The following ADAMTS3 variants were observed in gnomAD, a reference collection of about 807,000 sequenced individuals.
The protein encoded by ADAMTS3 is ADAM metallopeptidase with thrombospondin type 1 motif 3.
ADAMTS3 carries 73 observed loss-of-function variants against 129.0 expected under a neutral mutation model. That is an observed-to-expected ratio of 0.57 (90% CI 0.47 to 0.69). ADAMTS3 has a LOEUF of 0.69. ADAMTS3 is among the 30% of genes least tolerant of loss of function. The pLI is 0.00. For synonymous variants in ADAMTS3, 477 were observed against 510.8 expected, an observed-to-expected ratio of 0.93 and a Z score of 0.89; for missense variants, 1,457 against 1,514.5, an observed-to-expected ratio of 0.96 and a Z score of 0.63.
At chr4:72,469,381 A>C (rs6823875) in intron 3 of ADAMTS3, among the ~76,000 whole-genome samples, 37,966 of 151,946 alleles carry the variant, frequency 0.25, 5,100 homozygotes, top group East Asian at 0.45. Context: ...TTTCAGGCTC[A>C]TTGTTTAATA....
rs969516247 is a variant in ADAMTS3, at chr4:72,517,682, A to C, written c.504+30796T>G. Among the ~76,000 whole-genome samples, 60 of 152,014 alleles carry C rather than the reference A, an allele frequency of 3.9e-4. 1 individual carries two copies. The highest frequency in any genetic ancestry group is 1.4e-3 in the African/African-American group (56 of 41,444). ...GTATTTCTGTGGGATCGGTGGTGAT[A>C]TCCCCTTTATCATTTTTTATTGCGT... On this transcript the variant is annotated intron_variant, in intron 3 of 21. Transcript: ENST00000286657.
At chr4:72,355,972 T>C (rs1008689032) in intron 4 of ADAMTS3, among the ~76,000 whole-genome samples, 1 of 151,968 alleles carries the variant, frequency 6.6e-6, no homozygotes, top group Non-Finnish European at 1.5e-5. Flanking sequence ...GAGGGACATA[T>C]ATAAATGGTT....
At chr4:72,484,057 G>C (rs1040606522) in intron 3 of ADAMTS3, among the ~76,000 whole-genome samples, 1 of 151,930 alleles carries the variant, frequency 6.6e-6, no homozygotes, top group African/African-American at 2.4e-5. Flanking sequence ...GCATTTGTTT[G>C]TTCTATTTAT....
chr4:72,335,468 A>G (rs1719965851), intron 5 of ADAMTS3, among the ~76,000 whole-genome samples: 1 of 152,190 alleles, frequency 6.6e-6, no homozygotes, highest in Non-Finnish European at 1.5e-5. Flanking sequence ...CTAGTGACAT[A>G]TAACAGTAAA....
At chr4:72,315,632 T>C (rs1373051838) in intron 11 of ADAMTS3, among the ~76,000 whole-genome samples, 1 of 152,140 alleles carries the variant, frequency 6.6e-6, no homozygotes, top group African/African-American at 2.4e-5. Context: ...TCTAGAACTG[T>C]GAGGGAATAA....
intron 4 of ADAMTS3, among the ~76,000 whole-genome samples, chr4:72,380,221 A>G (rs936647241): frequency 6.6e-6 from 1 of 152,128 alleles, no homozygotes; most frequent in African/African-American, 2.4e-5. Context: ...CAGACTCCCA[A>G]ATTAATTTCC....
intron 3 of ADAMTS3, among the ~76,000 whole-genome samples, chr4:72,477,750 G>A (rs186598095): frequency 0.033 from 5,046 of 152,036 alleles, 276 homozygotes; most frequent in African/African-American, 0.12. Context: ...AATGAATCCA[G>A]GAGCTGGTTT....
In ADAMTS3 at chr4:72,299,009, C is replaced by T. The variant is rs553168647; in HGVS notation, c.2425-567G>A. Among the ~76,000 whole-genome samples, 8 of 150,224 alleles carry T rather than the reference C, an allele frequency of 5.3e-5. No individual in the cohort carries two copies. The South Asian group carries it at 6.3e-4, about 12-fold the overall frequency. ...ATAATTCTACCTAACTAGAGAAAACCAGTCACTTTTATTATTGTGATAGTC... is the reference window on the plus strand; with the variant it reads ...ATAATTCTACCTAACTAGAGAAAACTAGTCACTTTTATTATTGTGATAGTC... On this transcript the variant is annotated intron_variant, in intron 17 of 21. Coordinates refer to ENST00000286657, the MANE Select transcript of ADAMTS3 (RefSeq NM_014243.3).
At chr4:72,367,843 C>A (rs1316201939) in intron 4 of ADAMTS3, among the ~76,000 whole-genome samples, 4 of 100,458 alleles carry the variant, frequency 4.0e-5, no homozygotes, top group Non-Finnish European at 6.0e-5. Context: ...AAGCAAGACT[C>A]TGTGTCAAAA....
chr4:72,542,981 T>C (rs1182329441), intron 3 of ADAMTS3, among the ~76,000 whole-genome samples: 2 of 152,238 alleles, frequency 1.3e-5, no homozygotes, highest in East Asian at 3.8e-4. Flanking sequence ...CGGAAAGATA[T>C]ATGTGTGAGA....
At chr4:72,499,787 T>C (rs1393468285) in intron 3 of ADAMTS3, among the ~76,000 whole-genome samples, 1 of 152,078 alleles carries the variant, frequency 6.6e-6, no homozygotes, top group Non-Finnish European at 1.5e-5. Flanking sequence ...AGCTCCCCAC[T>C]GTAGTGGTCC....
At chr4:72,326,962 T>C (rs909125430) in intron 5 of ADAMTS3, among the ~76,000 whole-genome samples, 4 of 152,144 alleles carry the variant, frequency 2.6e-5, no homozygotes, top group Admixed American at 2.0e-4. Context: ...TGTGCTTACA[T>C]ACCAGTCAGT....
chr4:72,337,444 C>A (rs943881683), intron 5 of ADAMTS3, among the ~76,000 whole-genome samples: 10 of 151,014 alleles, frequency 6.6e-5, no homozygotes, highest in Admixed American at 6.6e-5. Context: ...TTTCACATGT[C>A]CTTCAAAAAA....
intron 5 of ADAMTS3, among the ~76,000 whole-genome samples, chr4:72,334,546 T>C (rs1383761704): frequency 1.3e-5 from 2 of 152,122 alleles, no homozygotes; most frequent in Non-Finnish European, 2.9e-5. Flanking sequence ...TTTAAAACTC[T>C]ACTCTCTTGA....
At chr4:72,295,552 A>T in intron 19 of ADAMTS3, 102 bp downstream of exon 19, 1 of 1,265,686 alleles carries the variant, frequency 7.9e-7, no homozygotes, top group Non-Finnish European at 1.1e-6. Context: ...AACCATGTCT[A>T]TATAGAGCTT....
intron 2 of ADAMTS3, among the ~76,000 whole-genome samples, chr4:72,554,243 A>G (rs1422787857): frequency 1.3e-5 from 2 of 152,224 alleles, no homozygotes; most frequent in Non-Finnish European, 2.9e-5. Context: ...TGAAGAGGCA[A>G]TGTTCTTTAT....
chr4:72,441,541 C>T (rs911115655), intron 3 of ADAMTS3: 2 of 151,664 alleles, frequency 1.3e-5, no homozygotes, highest in African/African-American at 4.8e-5. Context: ...ATTTTGAAGT[C>T]TAGTTTATCT....
chr4:72,463,035 G>T (rs1193082612), intron 3 of ADAMTS3, among the ~76,000 whole-genome samples: 5 of 151,936 alleles, frequency 3.3e-5, no homozygotes, highest in Non-Finnish European at 7.4e-5. Context: ...CTCCATTCAT[G>T]ACAGGTGATC....
intron 4 of ADAMTS3, among the ~76,000 whole-genome samples, chr4:72,383,171 C>CAGTCAGG (rs1721339958): frequency 6.6e-6 from 1 of 151,608 alleles, no homozygotes; most frequent in African/African-American, 2.4e-5. Flanking sequence ...TAAATGACAG[C>CAGTCAGG]AGTTCACTTC....
Sources: allele counts gnomAD v4.1 joint callset (sites outside exome capture counted in the v4.1 genomes callset), GRCh38; gene constraint gnomAD v4.1.1; transcripts MANE v1.5; gene names NCBI Gene and HGNC (gene_info 2026-07-23, HGNC 2026-07-21).